ZNF668: variants seen among roughly 807,000 people sequenced by gnomAD.
ZNF668 encodes the protein zinc finger protein 668.
A neutral mutation model predicts 40.3 loss-of-function variants in ZNF668; 10 were observed. That is an observed-to-expected ratio of 0.25 (90% CI 0.15 to 0.42). The LOEUF (loss-of-function observed/expected upper bound fraction) is 0.42, where lower values mean the gene tolerates loss of function less well. Ranked by LOEUF, ZNF668 falls within the 10% of genes least tolerant of loss-of-function variation. The probability of loss-of-function intolerance (pLI) is 1.00; values close to 1 mark genes in which losing one functional copy is unlikely to be tolerated. For synonymous variants in ZNF668, 428 were observed against 384.6 expected, an observed-to-expected ratio of 1.11 and a Z score of -1.32; for missense variants, 749 against 904.6, an observed-to-expected ratio of 0.83 and a Z score of 2.21.
Position 31,063,914 on chromosome 16 carries a change from C to T in ZNF668, c.546G>A (p.Val182=), listed in dbSNP as rs138850929. The T allele has an allele frequency of 3.1e-4, 496 of 1,596,638 alleles. 1 individual carries two copies. In the African/African-American group the frequency reaches 6.1e-3, roughly 20 times the overall value. Residue 182 remains valine (V), a synonymous_variant, in exon 2 of 3, where the codon GTG becomes GTA. Transcript: ENST00000300849. ...DCGKSFADPS[V]FRKHRRTHAG... The stretch of plus-strand genomic sequence containing the variant: ...CGTGAGTACGCCGGTGCTTGCGGAA[C>T]ACTGAAGGGTCAGCAAAGCTCTTGC...
Position 31,064,393 on chromosome 16 carries a change from T to C in ZNF668, c.67A>G (p.Lys23Glu). The C allele has an allele frequency of 6.2e-7, 1 of 1,613,794 alleles. No individual in the cohort carries two copies. The highest frequency in any genetic ancestry group is 8.5e-7 in the Non-Finnish European group (1 of 1,180,012). ...AATGTCTTGGTACAGGACAGGCACTTGTAGCGGCGGCCCGAGCGCTTGTAG... is the reference window on the plus strand; with the variant it reads ...AATGTCTTGGTACAGGACAGGCACTCGTAGCGGCGGCCCGAGCGCTTGTAG... The part of the protein sequence containing the change: ...PGYKRSGRRY[K>E]CLSCTKTFPN... Residue 23 changes from lysine (K) to glutamate (E), a missense_variant, in exon 2 of 3, where the codon AAG (lysine) becomes GAG (glutamate). Coordinates refer to ENST00000300849, the MANE Select transcript of ZNF668 (RefSeq NM_024706.5).
intron 1 of ZNF668, chr16:31,066,431 C>A: frequency 1.0e-5 from 10 of 953,314 alleles, no homozygotes; most frequent in Non-Finnish European, 1.2e-5. Context: ...GTGGCATGCG[C>A]CTTAAGTCCC....
In ZNF668 at chr16:31,062,161, G is replaced by A. The variant is rs755140839; in HGVS notation, c.767C>T (p.Ala256Val). Residue 256 changes from alanine to valine, a missense_variant, in exon 3 of 3, where the codon GCC becomes GTC. This residue lies in a region of ZNF668 where 129 missense variants were observed against 231.2 expected (regional missense o/e 0.56). Coordinates refer to ENST00000300849, the MANE Select transcript of ZNF668 (RefSeq NM_024706.5). ...HAAQKPYRCP[A>V]CGKGFTQLSS... ...GAGCTGCGTGAAGCCCTTGCCGCAGGCCGGGCAGCGGTAGGGCTTCTGTGC... is the reference window on the plus strand; with the variant it reads ...GAGCTGCGTGAAGCCCTTGCCGCAGACCGGGCAGCGGTAGGGCTTCTGTGC... 6.2e-6 allele frequency: 10 copies of A among 1,613,754 alleles called. No homozygotes were observed. The Admixed American group carries it at 1.7e-4, about 27-fold the overall frequency.
intron 1 of ZNF668, among the ~76,000 whole-genome samples, chr16:31,068,521 C>A (rs2056994990): frequency 7.1e-6 from 1 of 140,922 alleles, no homozygotes; most frequent in Non-Finnish European, 1.6e-5. Flanking sequence ...CACGCCCAGA[C>A]TTTTTTTTTT....
At chr16:31,066,310 G>A in intron 1 of ZNF668, 4 of 985,426 alleles carry the variant, frequency 4.1e-6, no homozygotes, top group Non-Finnish European at 4.8e-6. Flanking sequence ...CCACCAGGAG[G>A]ATCCTCAAGC....
Position 31,065,235 on chromosome 16 carries a change from G to T in ZNF668, c.-22-754C>A, listed in dbSNP as rs2056972460. The T allele has an allele frequency of 6.8e-6, 5 of 738,732 alleles. No homozygotes were observed. The South Asian group carries it at 3.0e-4, about 45-fold the overall frequency. The allele number at this position is 738,732 out of a possible 1,614,324, so 45.8% of individuals were successfully genotyped here. A position where few individuals can be genotyped will look rare whatever the true frequency, so the allele number is the denominator to read the frequency against. ...TATCTGATCTAACATGGCCTCCTGG[G>T]ATACCAGCTCTAGCTGAGATCCCTA... On this transcript the variant is annotated intron_variant, in intron 1 of 2. Coordinates refer to ENST00000300849, the MANE Select transcript of ZNF668 (RefSeq NM_024706.5).
Position 31,068,502 on chromosome 16 carries a change from G to A in ZNF668, c.-22-4021C>T, listed in dbSNP as rs1190487630. 6.1e-5 allele frequency among the ~76,000 whole-genome samples: 9 copies of A among 147,464 alleles called. No homozygotes were observed. In the East Asian group the frequency reaches 1.6e-3, roughly 26 times the overall value. ...CTCCCAAAGTGCTGGGATTACAGGC[G>A]AGAGCCACCACGCCCAGACTTTTTT... On this transcript the variant is annotated intron_variant, in intron 1 of 2. Coordinates refer to ENST00000300849, the MANE Select transcript of ZNF668 (RefSeq NM_024706.5).
In ZNF668 at chr16:31,074,209, C is replaced by A. The variant is rs2057045587; in HGVS notation, c.-573G>T. On this transcript the variant is annotated 5_prime_UTR_variant, in exon 1 of 3. Transcript: ENST00000300849. ...TGCGCCTATTCAATATGCACCGGAA[C>A]GATTCTAGCTGCTCTTGCCGGAAGT... is the stretch of plus-strand genomic sequence containing the variant. The A allele has an allele frequency of 6.6e-6, 1 of 152,260 alleles. No individual in the cohort carries two copies. Among genetic ancestry groups the A allele is most frequent in the Non-Finnish European group, 1.5e-5 (1 of 68,056 alleles). 9.4% of individuals were successfully genotyped at this position (152,260 alleles called of 1,614,324 possible).
Position 31,063,981 on chromosome 16 carries a change from C to T in ZNF668, c.479G>A (p.Arg160His), listed in dbSNP as rs2056958868. The change falls in exon 2 of 3, where the codon CGT becomes CAT. Residue 160 changes from arginine (R) to histidine (H), a missense_variant. Around this residue, in one of 4 missense-constraint regions of ZNF668, gnomAD observed 151 missense variants for 178.6 expected, o/e 0.85. Coordinates refer to ENST00000300849, the MANE Select transcript of ZNF668 (RefSeq NM_024706.5). ...GTAAGGCCGCTCGCCTGTGTGGCCA[C>T]GCTGGTGGATCTTGAGCTTGGAGAG... ...GALSKLKIHQRGHTGERPYAC... is the reference protein window; with the variant it reads ...GALSKLKIHQHGHTGERPYAC... 1.2e-6 allele frequency: 2 copies of T among 1,610,660 alleles called. No homozygotes were observed. The highest frequency in any genetic ancestry group is 1.7e-6 in the Non-Finnish European group (2 of 1,178,262).
chr16:31,062,498 G>C, intron 2 of ZNF668: 3 of 621,924 alleles, frequency 4.8e-6, no homozygotes, highest in Non-Finnish European at 7.9e-6. Context: ...ACCAAGATAT[G>C]GGCCGGGCGC....
chr16:31,061,865 C>A lies in ZNF668; in HGVS notation c.1063G>T (p.Ala355Ser), dbSNP rs1397375497. The change falls in exon 3 of 3, where the codon GCG becomes TCG. Residue 355 changes from alanine to serine, a missense_variant. By Grantham distance (99) the Ala-to-Ser change is moderately conservative. Transcript: ENST00000300849. The surrounding 1 kb of genome is among the most constrained non-coding windows in gnomAD (Gnocchi z 7.7). ...FVASWDLKRH[A>S]LVHSGQRPFR... ...GGCCGCTGGCCAGAGTGCACCAGCG[C>A]GTGCCGCTTGAGGTCCCAGGACGCC... 1 of 1,612,732 alleles carries A rather than the reference C, an allele frequency of 6.2e-7. No individual in the cohort carries two copies. Among genetic ancestry groups the A allele is most frequent in the African/African-American group, 1.3e-5 (1 of 74,896 alleles).
chr16:31,061,077 C>T lies in ZNF668; in HGVS notation c.1851G>A (p.Gly617=), dbSNP rs765577723. The part of the protein sequence containing the change: ...LVALLGMPEE[G]PA ...TGGGGGGTCATGGGCTTCAGGCCGG[C>T]CCCTCTTCAGGCATTCCTAGCAAAG... Residue 617 remains glycine, a synonymous_variant, in exon 3 of 3, where the codon GGG becomes GGA. Coordinates refer to ENST00000300849, the MANE Select transcript of ZNF668 (RefSeq NM_024706.5). The surrounding 1 kb of genome is among the most constrained non-coding windows in gnomAD (Gnocchi z 7.7). The T allele has an allele frequency of 6.7e-7, 1 of 1,495,792 alleles. No homozygotes were observed. The highest frequency in any genetic ancestry group is 1.4e-5 in the South Asian group (1 of 71,292). 92.7% of individuals were successfully genotyped at this position (1,495,792 alleles called of 1,614,324 possible).
chr16:31,072,525 C>T (rs921923902), intron 1 of ZNF668, among the ~76,000 whole-genome samples: 1 of 152,206 alleles, frequency 6.6e-6, no homozygotes, highest in Non-Finnish European at 1.5e-5. Context: ...ACTAGGCAAG[C>T]AAAGATTCAA....
In ZNF668 at chr16:31,064,112, C is replaced by G. The variant is rs766628331; in HGVS notation, c.348G>C (p.Glu116Asp). The G allele has an allele frequency of 1.9e-6, 3 of 1,605,568 alleles. No homozygotes were observed. The Admixed American group carries it at 5.0e-5, about 27-fold the overall frequency. Residue 116 changes from glutamate to aspartate, a missense_variant, in exon 2 of 3, where the codon GAG (glutamate) becomes GAC (aspartate). Coordinates refer to ENST00000300849, the MANE Select transcript of ZNF668 (RefSeq NM_024706.5). ...HTGEKPFPCP[E>D]CGRRFMQPVC... ...CGGGCTGCATGAAGCGGCGGCCGCA[C>G]TCGGGGCACGGAAAGGGCTTCTCCC...
chr16:31,067,115 A>T (rs1033228384), intron 1 of ZNF668, among the ~76,000 whole-genome samples: 1 of 152,140 alleles, frequency 6.6e-6, no homozygotes, highest in African/African-American at 2.4e-5. Context: ...CTACTCCAGA[A>T]GGCTGAGGTA....
intron 1 of ZNF668, among the ~76,000 whole-genome samples, chr16:31,065,819 A>G (rs560102645): frequency 8.6e-5 from 13 of 150,768 alleles, no homozygotes; most frequent in Admixed American, 2.7e-4. Flanking sequence ...GTGCCACCGC[A>G]CTCCAGCCTG....
chr16:31,066,059 CCT>C, intron 1 of ZNF668: 1 of 985,320 alleles, frequency 1.0e-6, no homozygotes, highest in Non-Finnish European at 1.2e-6. Context: ...CACAGGAGCC[CCT>C]GACGCGTGGC....
At chr16:31,067,129 G>T (rs1408059131) in intron 1 of ZNF668, among the ~76,000 whole-genome samples, 1 of 152,116 alleles carries the variant, frequency 6.6e-6, no homozygotes, top group Admixed American at 6.6e-5. Context: ...TGAGGTAGGA[G>T]AAATGCTTGA....
At position 31,063,883 on chromosome 16, in the gene ZNF668, G is replaced by C; in HGVS notation, c.577C>G (p.Leu193Val). 1 of 1,595,036 alleles carries C rather than the reference G, an allele frequency of 6.3e-7. No homozygotes were observed. ...FRKHRRTHAG[L>V]RPYSCERCGK... is the part of the protein sequence containing the mutation. Reference sequence around the variant, plus strand: ...CAACGCTCACAGCTGTAGGGCCGCAGGCCAGCGTGAGTACGCCGGTGCTTG... The same window carrying C: ...CAACGCTCACAGCTGTAGGGCCGCACGCCAGCGTGAGTACGCCGGTGCTTG... Residue 193 changes from leucine to valine, a missense_variant, in exon 2 of 3, where the codon CTG becomes GTG. This residue lies in a region of ZNF668 where 151 missense variants were observed against 178.6 expected (regional missense o/e 0.85). Transcript: ENST00000300849.
Sources: allele counts gnomAD v4.1 joint callset (sites outside exome capture counted in the v4.1 genomes callset), GRCh38; gene constraint gnomAD v4.1.1; regional missense constraint gnomAD v4.1.1; non-coding constraint Gnocchi (gnomAD v3.1); transcripts MANE v1.5; gene names NCBI Gene and HGNC (gene_info 2026-07-23, HGNC 2026-07-21).